ATRX: variants seen among roughly 807,000 people sequenced by gnomAD.
ATRX encodes the protein ATRX chromatin remodeler, also known as chromatin remodeler ATRX.
In ATRX, 12 loss-of-function variants were observed where a neutral mutation model predicts 172.6. That is an observed-to-expected ratio of 0.07 (90% CI 0.04 to 0.11). The LOEUF (loss-of-function observed/expected upper bound fraction) is 0.11. Among genes scored for constraint, ATRX ranks in the 10% least tolerant of loss-of-function variants. The pLI, the probability that ATRX is intolerant of heterozygous loss-of-function variation, is 1.00. For missense variants in ATRX, 1,368 were observed against 1,767.4 expected, an observed-to-expected ratio of 0.77 and a Z score of 4.05; for synonymous variants, 674 against 594.7, an observed-to-expected ratio of 1.13 and a Z score of -1.94.
chrX:77,678,590 G>A (rs782004298), intron 9 of ATRX, among the ~76,000 whole-genome samples: 3 of 111,405 alleles, frequency 2.7e-5, no homozygotes, highest in South Asian at 7.5e-4. Flanking sequence ...GGGTTCAAGC[G>A]ATTCTCCTGC....
intron 1 of ATRX, among the ~76,000 whole-genome samples, chrX:77,757,258 G>T (rs1303268870): frequency 9.0e-6 from 1 of 111,604 alleles, no homozygotes; most frequent in Non-Finnish European, 1.9e-5. Context: ...CACACATGAA[G>T]AAACAACTCA....
intron 25 of ATRX, chrX:77,594,260 A>G (rs1557082720): frequency 8.7e-6 from 1 of 115,549 alleles, no homozygotes; most frequent in Non-Finnish European, 1.8e-5. Context: ...AGGAATCAAC[A>G]GAGATGGAAA....
At chrX:77,780,640 T>C (rs1387653348) in intron 1 of ATRX, among the ~76,000 whole-genome samples, 1 of 109,210 alleles carries the variant, frequency 9.2e-6, no homozygotes, top group Non-Finnish European at 1.9e-5. Flanking sequence ...TAAGCAGAAT[T>C]TTTTAAAAAC....
At position 77,616,641 on chromosome X, in the gene ATRX, G is replaced by A. The variant is rs782737091; in HGVS notation, c.5538C>T (p.Leu1846=). 5.0e-6 allele frequency: 6 copies of A among 1,200,028 alleles called. No homozygotes were observed. The highest frequency in any genetic ancestry group is 2.2e-5 in the Admixed American group (1 of 45,690). The change falls in exon 22 of 35, where the codon CTC becomes CTT. Residue 1846 remains leucine, a synonymous_variant. Transcript: ENST00000373344. ...AVRMTSIQCK[L]YQYYLDHLTG... is the part of the protein sequence containing the mutation. ...TTAAGTGATCTAAGTAGTACTGATA[G>A]AGCTTGCACTGAATAGAAGTCATTC...
In ATRX at chrX:77,681,448, A is replaced by G. The variant is rs111917469; in HGVS notation, c.3736+72T>C. The G allele has an allele frequency of 2.4e-4, 249 of 1,024,701 alleles. 1 individual carries two copies. In the South Asian group the frequency reaches 3.0e-3, roughly 12 times the overall value. 84.4% of individuals were successfully genotyped at this position (1,024,701 alleles called of 1,213,427 possible). On this transcript the variant is annotated intron_variant, in intron 9 of 34. Coordinates refer to ENST00000373344, the MANE Select transcript of ATRX (RefSeq NM_000489.6). ...TAACCCTAAATTTGATTAGCTTCAG[A>G]GGAAATTAAACAATGTAGTAACTCA...
chrX:77,701,461 G>A lies in ATRX; in HGVS notation c.134-2832C>T, dbSNP rs957737385. Reference sequence around the variant, plus strand: ...CAGGAGGTGGAGGCTGCAGTGAGCCGAGATTGTGCCATTGCACTCCAGCCT... The same window carrying A: ...CAGGAGGTGGAGGCTGCAGTGAGCCAAGATTGTGCCATTGCACTCCAGCCT... On this transcript the variant is annotated intron_variant, in intron 2 of 34. Coordinates refer to ENST00000373344, the MANE Select transcript of ATRX (RefSeq NM_000489.6). Among the ~76,000 whole-genome samples, 13 of 108,733 alleles carry A rather than the reference G, an allele frequency of 1.2e-4. 1 individual carries two copies. The highest frequency in any genetic ancestry group is 7.8e-4 in the Admixed American group (8 of 10,203). The allele number at this position is 108,733 out of a possible 115,157, so 94.4% of individuals were successfully genotyped here.
In ATRX at chrX:77,681,861, A is replaced by G. The variant is rs587780285; in HGVS notation, c.3395T>C (p.Ile1132Thr). 41 of 1,203,743 alleles carry G rather than the reference A, an allele frequency of 3.4e-5. No individual in the cohort carries two copies. In the Admixed American group the frequency reaches 9.1e-4, roughly 27 times the overall value. ...CNSSDKRLKRIELRERRNLSS... is the reference protein window; with the variant it reads ...CNSSDKRLKRTELRERRNLSS... ...TAAATTTCTTCTTTCCCTCAATTCTATTCTTTTCAGTCTCTTATCAGAAGA... is the reference window on the plus strand; with the variant it reads ...TAAATTTCTTCTTTCCCTCAATTCTGTTCTTTTCAGTCTCTTATCAGAAGA... Residue 1132 changes from isoleucine (I) to threonine (T), a missense_variant, in exon 9 of 35, where the codon ATA becomes ACA. By Grantham distance (89) the Ile-to-Thr change is moderately conservative (BLOSUM62 -1). Around this residue, in one of 17 missense-constraint regions of ATRX, gnomAD observed 843 missense variants for 643.1 expected, o/e 1.31. Transcript: ENST00000373344.
At chrX:77,508,681 G>T in intron 34 of ATRX, 52 bp from the exon 35 acceptor site, 1 of 1,184,351 alleles carries the variant, frequency 8.4e-7, no homozygotes. Context: ...TCTCAAAAGA[G>T]GTATCAAGTT....
chrX:77,585,680 G>A (rs998079817), intron 27 of ATRX, among the ~76,000 whole-genome samples: 2 of 94,296 alleles, frequency 2.1e-5, no homozygotes, highest in African/African-American at 4.0e-5. Context: ...TCGGTATATC[G>A]AAGACATATC....
At chrX:77,570,906 G>A (rs1557067053) in intron 28 of ATRX, among the ~76,000 whole-genome samples, 1 of 111,846 alleles carries the variant, frequency 8.9e-6, no homozygotes, top group Non-Finnish European at 1.9e-5. Context: ...AAGACATAAA[G>A]AGATTTTCAC....
At chrX:77,743,036 C>A (rs1052360985) in intron 1 of ATRX, among the ~76,000 whole-genome samples, 6 of 110,750 alleles carry the variant, frequency 5.4e-5, no homozygotes, top group Non-Finnish European at 1.1e-4. Context: ...TGAGTAGGGG[C>A]GGGGATGGGG....
intron 9 of ATRX, among the ~76,000 whole-genome samples, chrX:77,679,395 T>G (rs1557135629): frequency 9.0e-6 from 1 of 111,496 alleles, no homozygotes; most frequent in Non-Finnish European, 1.9e-5. Context: ...AAAAGTTTAC[T>G]CCCCATCAGC....
At chrX:77,766,637 G>A (rs1335305394) in intron 1 of ATRX, among the ~76,000 whole-genome samples, 6 of 106,996 alleles carry the variant, frequency 5.6e-5, no homozygotes, top group African/African-American at 2.1e-4. Context: ...GCCGGGCAGA[G>A]ACGCTCCTCA....
intron 2 of ATRX, among the ~76,000 whole-genome samples, chrX:77,705,148 C>T (rs1025535686): frequency 3.6e-5 from 4 of 111,453 alleles, no homozygotes; most frequent in South Asian, 3.8e-4. Context: ...GTTCTGTAGC[C>T]GCAGTTTGGG....
In ATRX at chrX:77,683,810, T is replaced by A. The variant is rs886044778; in HGVS notation, c.1446A>T (p.Glu482Asp). The A allele has an allele frequency of 5.8e-6, 7 of 1,210,742 alleles. No individual in the cohort carries two copies. Among genetic ancestry groups the A allele is most frequent in the Non-Finnish European group, 7.8e-6 (7 of 894,479 alleles). ...EHMHQNVPTE[E>D]QRTNKSTGGE... ...CACCGGTACTTTTATTTGTTCTTTG[T>A]TCCTCTGTTGGAACATTCTGATGCA... The change falls in exon 9 of 35, where the codon GAA becomes GAT. Residue 482 changes from glutamate (E) to aspartate (D), a missense_variant. Transcript: ENST00000373344.
chrX:77,597,299 G>A (rs1261255015), intron 25 of ATRX, among the ~76,000 whole-genome samples: 2 of 110,076 alleles, frequency 1.8e-5, no homozygotes, highest in Non-Finnish European at 3.8e-5. Flanking sequence ...CTATTCCATG[G>A]AGGTACTGAA....
intron 19 of ATRX, among the ~76,000 whole-genome samples, chrX:77,623,554 C>A (rs781945853): frequency 9.0e-6 from 1 of 111,444 alleles, no homozygotes; most frequent in South Asian, 3.7e-4. Flanking sequence ...CTAATTCATC[C>A]CTATTCATCA....
At chrX:77,737,331 C>T (rs1557179630) in intron 1 of ATRX, among the ~76,000 whole-genome samples, 1 of 99,149 alleles carries the variant, frequency 1.0e-5, no homozygotes, top group Non-Finnish European at 2.0e-5. Context: ...GCTGAGGCAG[C>T]AGAATCATTT....
At chrX:77,602,034 T>A (rs1023572531) in intron 22 of ATRX, among the ~76,000 whole-genome samples, 13 of 111,847 alleles carry the variant, frequency 1.2e-4, no homozygotes, top group Non-Finnish European at 2.1e-4. Context: ...TACAGGGTCT[T>A]ACACTGTCAC....
Sources: gnomAD v4.1 joint callset for allele counts (sites outside exome capture counted in the v4.1 genomes callset) on GRCh38, gnomAD v4.1.1 for gene constraint, gnomAD v4.1.1 regional missense constraint, MANE v1.5 for transcripts, NCBI Gene and HGNC (gene_info 2026-07-23, HGNC 2026-07-21) for gene names.